Variants in DPF3 observed in about 807,000 individuals in gnomAD.
The protein encoded by DPF3 is double PHD fingers 3.
In DPF3, 18 loss-of-function variants were observed where a neutral mutation model predicts 56.8. The ratio of observed to expected loss-of-function variants is 0.32; its 90% CI spans 0.22 to 0.47. The LOEUF (loss-of-function observed/expected upper bound fraction) is 0.47, where lower values mean the gene tolerates loss of function less well. DPF3 is among the 20% of genes least tolerant of loss of function. The pLI is 1.00. For synonymous variants in DPF3, 188 were observed against 180.2 expected (o/e 1.04, Z -0.35); for missense variants, 403 against 488.8 (o/e 0.82, Z 1.65).
intron 8 of DPF3, among the ~76,000 whole-genome samples, chr14:72,646,299 G>A (rs756022984): frequency 1.3e-5 from 2 of 152,150 alleles, no homozygotes; most frequent in Non-Finnish European, 2.9e-5. Flanking sequence ...ACCCTCTAAC[G>A]CAGATAAGGA....
chr14:72,766,973 G>C (rs1891312644), intron 2 of DPF3, among the ~76,000 whole-genome samples: 1 of 152,186 alleles, frequency 6.6e-6, no homozygotes, highest in Non-Finnish European at 1.5e-5. Context: ...GTGCCTTGTG[G>C]TATCAGTAGA....
In DPF3 at chr14:72,669,825, TAAG is replaced by T. The variant is rs1344242729; in HGVS notation, c.871+4412_871+4414del. 9.9e-6 allele frequency: 9 copies of T among 910,966 alleles called. No individual in the cohort carries two copies. The South Asian group carries it at 2.0e-4, about 20-fold the overall frequency. The allele number at this position is 910,966 out of a possible 1,614,324, so 56.4% of individuals were successfully genotyped here. A position where few individuals can be genotyped will look rare whatever the true frequency, so the allele number is the denominator to read the frequency against. ...GACACTCCAGCAGCCACTCTTACAC[TAAG>T]AAGGGAGTCCAAACCCAGGAAAACA... is the stretch of plus-strand genomic sequence containing the variant. On this transcript the variant is annotated intron_variant, in intron 8 of 10. Transcript: ENST00000556509.
intron 1 of DPF3, among the ~76,000 whole-genome samples, chr14:72,870,736 C>T (rs1885866420): frequency 6.6e-6 from 1 of 152,130 alleles, no homozygotes; most frequent in African/African-American, 2.4e-5. Context: ...AGTGTGTCTC[C>T]TCATTTTACA....
At chr14:72,839,519 A>C (rs1884460303) in intron 1 of DPF3, among the ~76,000 whole-genome samples, 1 of 151,854 alleles carries the variant, frequency 6.6e-6, no homozygotes, top group African/African-American at 2.4e-5. Context: ...CTAAGCACTG[A>C]CTCCCCGAGG....
chr14:72,838,836 A>G (rs1884415563), intron 1 of DPF3, among the ~76,000 whole-genome samples: 1 of 147,270 alleles, frequency 6.8e-6, no homozygotes, highest in African/African-American at 2.5e-5. Flanking sequence ...AACTAGCCTT[A>G]TCTTTCCAGT....
At chr14:72,666,438 A>G (rs1209752106) in intron 8 of DPF3, among the ~76,000 whole-genome samples, 3 of 152,222 alleles carry the variant, frequency 2.0e-5, no homozygotes, top group African/African-American at 7.2e-5. Flanking sequence ...TTCACTCAAG[A>G]AATCTTCCAA....
At chr14:72,698,730 G>C (rs1888018976) in intron 6 of DPF3, among the ~76,000 whole-genome samples, 2 of 152,140 alleles carry the variant, frequency 1.3e-5, no homozygotes, top group South Asian at 4.1e-4. Flanking sequence ...TAGTAGGTTT[G>C]GTAGGTTAGG....
chr14:72,739,109 G>T (rs545739054), intron 3 of DPF3, among the ~76,000 whole-genome samples: 1 of 152,102 alleles, frequency 6.6e-6, no homozygotes, highest in African/African-American at 2.4e-5. Flanking sequence ...ATGTGGGATC[G>T]TACGCACCTG....
At chr14:72,689,786 T>C (rs1351144254) in intron 7 of DPF3, among the ~76,000 whole-genome samples, 2 of 152,066 alleles carry the variant, frequency 1.3e-5, no homozygotes, top group Non-Finnish European at 2.9e-5. Context: ...AGCTGCCTCA[T>C]GGGTTTGTCC....
chr14:72,844,900 G>A (rs1008115174), intron 1 of DPF3, among the ~76,000 whole-genome samples: 6 of 152,266 alleles, frequency 3.9e-5, no homozygotes, highest in Non-Finnish European at 7.4e-5. Context: ...AAGGCCAGAC[G>A]ATCACAACCA....
At position 72,818,651 on chromosome 14, in the gene DPF3, T is replaced by C. The variant is rs114163856; in HGVS notation, c.33-46758A>G. On this transcript the variant is annotated intron_variant, in intron 1 of 10. Coordinates refer to ENST00000556509, the MANE Select transcript of DPF3 (RefSeq NM_001280542.3). ...TTGATCATGCCATTGCACTCCAGTG[T>C]GGGCAACAAAGACCTTGTCTCTAAA... Among the ~76,000 whole-genome samples, 1,474 of 152,294 alleles carry C rather than the reference T, an allele frequency of 9.7e-3. 14 individuals carry two copies. Among genetic ancestry groups the C allele is most frequent in the Middle Eastern group, 0.037 (11 of 294 alleles).
intron 9 of DPF3, among the ~76,000 whole-genome samples, chr14:72,627,729 A>G (rs562100966): frequency 6.6e-6 from 1 of 152,264 alleles, no homozygotes; most frequent in Non-Finnish European, 1.5e-5. Context: ...AAATTTATAA[A>G]TTAACTCAGG....
chr14:72,792,883 C>G (rs921243003), intron 1 of DPF3, among the ~76,000 whole-genome samples: 1 of 151,676 alleles, frequency 6.6e-6, no homozygotes, highest in Non-Finnish European at 1.5e-5. Flanking sequence ...ATTTTATAGA[C>G]TGCAAGGAAA....
chr14:72,892,768 C>T (rs1281541997), intron 1 of DPF3: 8 of 911,918 alleles, frequency 8.8e-6, no homozygotes, highest in African/African-American at 7.2e-5. Flanking sequence ...TTCGTCCGGG[C>T]GGGGAAGTCC....
In DPF3 at chr14:72,814,166, C is replaced by T. The variant is rs566892710; in HGVS notation, c.33-42273G>A. Among the ~76,000 whole-genome samples the T allele has an allele frequency of 2.6e-5, 4 of 152,090 alleles. No homozygotes were observed. In the East Asian group the frequency reaches 5.8e-4, roughly 22 times the overall value. On this transcript the variant is annotated intron_variant, in intron 1 of 10. Coordinates refer to ENST00000556509, the MANE Select transcript of DPF3 (RefSeq NM_001280542.3). ...CAACTGACTGTCATTTGAATGGTGC[C>T]CCCAGAGTGAGGCAATGGTGCAGCC...
At chr14:72,748,474 GA>G (rs570357383) in intron 3 of DPF3, among the ~76,000 whole-genome samples, 16 of 149,644 alleles carry the variant, frequency 1.1e-4, no homozygotes, top group East Asian at 9.8e-4. Flanking sequence ...CAATGAAATA[GA>G]AAAAAAAAAT....
chr14:72,770,994 G>T (rs903437509), intron 2 of DPF3, among the ~76,000 whole-genome samples: 6 of 151,872 alleles, frequency 4.0e-5, no homozygotes, highest in Non-Finnish European at 8.8e-5. Context: ...TGACCAACAT[G>T]GTGAAACCCC....
At chr14:72,688,576 A>G (rs1413074291) in intron 7 of DPF3, among the ~76,000 whole-genome samples, 1 of 152,050 alleles carries the variant, frequency 6.6e-6, no homozygotes, top group East Asian at 1.9e-4. Flanking sequence ...CTGCTACTCT[A>G]CCCCACTGGG....
chr14:72,763,251 A>T (rs1037234953), intron 2 of DPF3, among the ~76,000 whole-genome samples: 3 of 152,102 alleles, frequency 2.0e-5, no homozygotes, highest in Non-Finnish European at 2.9e-5. Flanking sequence ...TGACAGACTG[A>T]TTATAAAATC....
Sources: allele counts gnomAD v4.1 joint callset (sites outside exome capture counted in the v4.1 genomes callset), GRCh38; gene constraint gnomAD v4.1.1; transcripts MANE v1.5; gene names NCBI Gene and HGNC (gene_info 2026-07-23, HGNC 2026-07-21).